The following UNC13C variants were observed in gnomAD, a reference collection of about 807,000 sequenced individuals.
UNC13C encodes unc-13 homolog C.
In UNC13C, 174 loss-of-function variants were observed where a neutral mutation model predicts 245.4. That is an observed-to-expected ratio of 0.71 (90% CI 0.63 to 0.80). UNC13C has a LOEUF of 0.80. Ranked by LOEUF, UNC13C falls within the 30% of genes least tolerant of loss-of-function variation. The pLI, the probability that UNC13C is intolerant of heterozygous loss-of-function variation, is 0.00. For missense variants in UNC13C, 2,829 were observed against 2,602.9 expected (o/e 1.09, Z -1.89); for synonymous variants, 992 against 895.1 (o/e 1.11, Z -1.93).
chr15:54,584,131 G>C (rs1387833232), intron 30 of UNC13C, among the ~76,000 whole-genome samples: 1 of 152,162 alleles, frequency 6.6e-6, no homozygotes, highest in African/African-American at 2.4e-5. Context: ...CCCTTGGCCA[G>C]GGCTCTCCTG....
Position 54,349,505 on chromosome 15 carries a change from CCT to C in UNC13C, c.4713+11018_4713+11019del, listed in dbSNP as rs1332655576. On this transcript the variant is annotated intron_variant, in intron 17 of 32. Coordinates refer to ENST00000260323, the MANE Select transcript of UNC13C (RefSeq NM_001080534.3). Reference sequence around the variant, plus strand: ...TGACAATACATGAAAAAAATTATAACCTCACGTTGTTAATAAACATTGATGAG... The same window carrying C: ...TGACAATACATGAAAAAAATTATAACCACGTTGTTAATAAACATTGATGAG... 2.6e-5 allele frequency among the ~76,000 whole-genome samples: 4 copies of C among 151,944 alleles called. No individual in the cohort carries two copies. The East Asian group carries it at 7.7e-4, about 29-fold the overall frequency.
intron 4 of UNC13C, among the ~76,000 whole-genome samples, chr15:54,221,659 G>A (rs926684540): frequency 6.8e-5 from 10 of 147,198 alleles, no homozygotes; most frequent in African/African-American, 2.4e-4. Flanking sequence ...GTTCCATAAT[G>A]CTAAAAAAAA....
chr15:54,040,744 G>A (rs1451913042), intron 2 of UNC13C, among the ~76,000 whole-genome samples: 1 of 152,150 alleles, frequency 6.6e-6, no homozygotes, highest in African/African-American at 2.4e-5. Context: ...GGTGTGTAGA[G>A]GTGAGCACCC....
intron 2 of UNC13C, among the ~76,000 whole-genome samples, chr15:54,132,126 G>A (rs1343668634): frequency 7.4e-6 from 1 of 135,542 alleles, no homozygotes; most frequent in Non-Finnish European, 1.5e-5. Flanking sequence ...GAGTGCAGTG[G>A]CACAATCTAG....
chr15:54,174,970 T>G (rs1237269578), intron 4 of UNC13C, among the ~76,000 whole-genome samples: 1 of 152,198 alleles, frequency 6.6e-6, no homozygotes, highest in Admixed American at 6.5e-5. Flanking sequence ...ATCCTTTTGC[T>G]GAGCTCAAGC....
chr15:54,384,321 A>G (rs2039790241), intron 17 of UNC13C, among the ~76,000 whole-genome samples: 2 of 152,252 alleles, frequency 1.3e-5, no homozygotes, highest in Middle Eastern at 3.4e-3. Flanking sequence ...ACATAGACCA[A>G]TGAAACTGAA....
rs144105564 is a variant in UNC13C, at chr15:54,428,604, A to G, written c.4933+13537A>G. Among the ~76,000 whole-genome samples the G allele has an allele frequency of 5.0e-3, 765 of 151,570 alleles. 6 individuals are homozygous for G. Among genetic ancestry groups the G allele is most frequent in the African/African-American group, 0.017 (717 of 41,416 alleles). On this transcript the variant is annotated intron_variant, in intron 19 of 32. Coordinates refer to ENST00000260323, the MANE Select transcript of UNC13C (RefSeq NM_001080534.3). ...TTAGACTGTAAGCTCTGTGAAAGGG[A>G]CTTTTCTGTGTTGTCTACTGTTATA... is the stretch of plus-strand genomic sequence containing the variant.
the UNC13C span, among the ~76,000 whole-genome samples, chr15:53,895,720 C>T: frequency 2.6e-5 from 4 of 152,048 alleles, no homozygotes; most frequent in Non-Finnish European, 4.4e-5. Context: ...AGGATTTACT[C>T]GACTTTGAAT....
intron 4 of UNC13C, among the ~76,000 whole-genome samples, chr15:54,202,711 A>C (rs962305956): frequency 1.3e-5 from 2 of 152,072 alleles, no homozygotes; most frequent in Non-Finnish European, 2.9e-5. Flanking sequence ...AACCATAAAG[A>C]TTCTAGAAGA....
At chr15:54,497,497 T>A (rs1313021304) in intron 20 of UNC13C, among the ~76,000 whole-genome samples, 1 of 152,098 alleles carries the variant, frequency 6.6e-6, no homozygotes, top group East Asian at 1.9e-4. Flanking sequence ...GAGTCCAACA[T>A]GCTACAGGCA....
At position 54,567,017 on chromosome 15, in the gene UNC13C, G is replaced by GA. The variant is rs972650921; in HGVS notation, c.5959-776dup. ...ATCTATTATCATTTATAAACAGGTAGAAAAAAACATCCTTAGTTCTATCAT... is the reference window on the plus strand; with the variant it reads ...ATCTATTATCATTTATAAACAGGTAGAAAAAAAACATCCTTAGTTCTATCAT... On this transcript the variant is annotated intron_variant, in intron 29 of 32. Transcript: ENST00000260323. 8.6e-5 allele frequency among the ~76,000 whole-genome samples: 13 copies of GA among 152,046 alleles called. No individual in the cohort carries two copies. In the South Asian group the frequency reaches 1.7e-3, roughly 19 times the overall value.
intron 10 of UNC13C, among the ~76,000 whole-genome samples, chr15:54,268,540 C>G (rs960060939): frequency 2.0e-5 from 3 of 152,100 alleles, no homozygotes; most frequent in Middle Eastern, 3.4e-3. Context: ...TGCTGGATAT[C>G]GTAGCATCCT....
At chr15:54,138,368 C>T (rs2031839102) in intron 2 of UNC13C, among the ~76,000 whole-genome samples, 1 of 151,918 alleles carries the variant, frequency 6.6e-6, no homozygotes, top group African/African-American at 2.4e-5. Flanking sequence ...ATATATTAAC[C>T]TATTACTGAA....
intron 2 of UNC13C, among the ~76,000 whole-genome samples, chr15:54,024,030 G>A: frequency 6.6e-6 from 1 of 152,182 alleles, no homozygotes; most frequent in East Asian, 1.9e-4. Flanking sequence ...GAACTCTGGT[G>A]TAAGATAGCA....
chr15:54,226,825 A>G (rs981921441), intron 4 of UNC13C, among the ~76,000 whole-genome samples: 4 of 152,144 alleles, frequency 2.6e-5, no homozygotes, highest in East Asian at 1.9e-4. Context: ...CAGAGGGATC[A>G]TGGTGGTGCC....
At chr15:54,219,022 C>A (rs948411828) in intron 4 of UNC13C, among the ~76,000 whole-genome samples, 1 of 151,874 alleles carries the variant, frequency 6.6e-6, no homozygotes, top group Non-Finnish European at 1.5e-5. Flanking sequence ...GGCCATACTG[C>A]CCAAGGTAAT....
At chr15:54,038,883 G>T (rs888421018) in intron 2 of UNC13C, among the ~76,000 whole-genome samples, 5 of 151,976 alleles carry the variant, frequency 3.3e-5, no homozygotes, top group African/African-American at 9.7e-5. Flanking sequence ...ACTTAACACA[G>T]TTACAATATA....
chr15:54,151,639 G>A (rs533027365), intron 4 of UNC13C, among the ~76,000 whole-genome samples: 2 of 152,232 alleles, frequency 1.3e-5, no homozygotes, highest in African/African-American at 4.8e-5. Context: ...CCTGAGCTCA[G>A]GCAATCTGCC....
the UNC13C span, among the ~76,000 whole-genome samples, chr15:53,943,226 GT>G: frequency 6.6e-6 from 1 of 152,144 alleles, no homozygotes; most frequent in East Asian, 1.9e-4. Flanking sequence ...CATGTATCAA[GT>G]TTAAGTGGCT....
Sources: allele counts gnomAD v4.1 joint callset (sites outside exome capture counted in the v4.1 genomes callset), GRCh38; gene constraint gnomAD v4.1.1; transcripts MANE v1.5; gene names NCBI Gene and HGNC (gene_info 2026-07-23, HGNC 2026-07-21).